The following CIP2A variants were observed in gnomAD, a reference collection of about 807,000 sequenced individuals.
CIP2A encodes the protein cellular inhibitor of PP2A, also known as protein CIP2A.
CIP2A carries 103 observed loss-of-function variants against 110.9 expected under a neutral mutation model. That is an observed-to-expected ratio of 0.93 (90% CI 0.79 to 1.09). The LOEUF is 1.09. Ranked by LOEUF, CIP2A falls within the 50% of genes least tolerant of loss-of-function variation. The pLI is 0.00. For synonymous variants in CIP2A, 381 were observed against 361.6 expected, an observed-to-expected ratio of 1.05 and a Z score of -0.61; for missense variants, 1,088 against 1,038.4, an observed-to-expected ratio of 1.05 and a Z score of -0.66.
chr3:108,552,501 C>T (rs1488529236), intron 19 of CIP2A, 128 bp from the exon 20 acceptor site: 1 of 503,208 alleles, frequency 2.0e-6, no homozygotes, highest in Non-Finnish European at 3.3e-6. Context: ...TCTCTTATGA[C>T]AGTATTCTAT....
At chr3:108,588,635 A>C (rs916098004) in intron 1 of CIP2A, among the ~76,000 whole-genome samples, 1 of 152,224 alleles carries the variant, frequency 6.6e-6, no homozygotes, top group Non-Finnish European at 1.5e-5. Context: ...CGTAAATGCA[A>C]AACAAATGAA....
At chr3:108,583,679 T>C (rs1938959450) in intron 2 of CIP2A, among the ~76,000 whole-genome samples, 1 of 152,086 alleles carries the variant, frequency 6.6e-6, no homozygotes, top group Non-Finnish European at 1.5e-5. Flanking sequence ...AAACACACAA[T>C]CAGATGGAAT....
Position 108,569,603 on chromosome 3 carries a change from A to G in CIP2A, c.899T>C (p.Leu300Ser). Residue 300 changes from leucine to serine, a missense_variant, in exon 9 of 21, where the codon TTA (leucine) becomes TCA (serine). Transcript: ENST00000295746. ...GKDPDSSSKV[L>S]ELLLAFCSVT... is the part of the protein sequence containing the mutation. ...TGAACAGAAGGCAAGAAGTAATTCT[A>G]AAACCTGTGCAATATAAAGTGTTCA... 6.2e-7 allele frequency: 1 copy of G among 1,610,366 alleles called. No homozygotes were observed. The highest frequency in any genetic ancestry group is 1.1e-5 in the South Asian group (1 of 90,892).
In CIP2A at chr3:108,569,472, G is replaced by A; in HGVS notation, c.1030C>T (p.Leu344=). The change falls in exon 9 of 21, where the codon CTA becomes TTA. Residue 344 remains leucine, a synonymous_variant. Coordinates refer to ENST00000295746, the MANE Select transcript of CIP2A (RefSeq NM_020890.3). ...AAAGGTTGGCTTAACCAGCGCAGTA[G>A]AGCCACAGTAGGTTCTAAACATTTA... ...HTKCLEPTVA[L]LRWLSQPLDG... 1.2e-6 allele frequency: 2 copies of A among 1,612,732 alleles called. No individual in the cohort carries two copies. The highest frequency in any genetic ancestry group is 1.1e-5 in the South Asian group (1 of 91,048).
intron 1 of CIP2A, among the ~76,000 whole-genome samples, chr3:108,588,395 AG>A (rs1939159035): frequency 6.6e-6 from 1 of 152,072 alleles, no homozygotes; most frequent in South Asian, 2.1e-4. Context: ...ATACAACAGC[AG>A]CTTCACTAAC....
At chr3:108,586,259 A>G (rs1939036377) in intron 1 of CIP2A, among the ~76,000 whole-genome samples, 1 of 152,192 alleles carries the variant, frequency 6.6e-6, no homozygotes, top group African/African-American at 2.4e-5. Flanking sequence ...TAACATTACT[A>G]AAGTAAAAGT....
chr3:108,585,319 C>T, intron 1 of CIP2A, 107 bp from the exon 2 acceptor site: 1 of 1,026,276 alleles, frequency 9.7e-7, no homozygotes, highest in Non-Finnish European at 1.4e-6. Flanking sequence ...GCTACCTTCC[C>T]AATTTAAAAA....
chr3:108,553,126 T>G (rs1338748895), intron 19 of CIP2A, among the ~76,000 whole-genome samples: 11 of 129,216 alleles, frequency 8.5e-5, no homozygotes, highest in African/African-American at 3.7e-4. Flanking sequence ...CTTTTGTTTT[T>G]TTTTTTTTTT....
At chr3:108,555,522 C>T (rs1385478116) in intron 17 of CIP2A, among the ~76,000 whole-genome samples, 1 of 152,170 alleles carries the variant, frequency 6.6e-6, no homozygotes, top group East Asian at 1.9e-4. Flanking sequence ...CCCGGACCCT[C>T]ATTGAGGAAG....
In CIP2A at chr3:108,568,466, A is replaced by G. The variant is rs1052763863; in HGVS notation, c.1114-152T>C. On this transcript the variant is annotated intron_variant, in intron 9 of 20. Transcript: ENST00000295746. The stretch of plus-strand genomic sequence containing the variant: ...GTCTCCTGTGAATATTTAAATTTTT[A>G]TTTAAAATTTATACTTCTAACCAGT... 4 of 535,274 alleles carry G rather than the reference A, an allele frequency of 7.5e-6. No individual in the cohort carries two copies. In the Admixed American group the frequency reaches 1.2e-4, roughly 16 times the overall value. The allele number at this position is 535,274 out of a possible 1,614,324, so 33.2% of individuals were successfully genotyped here.
At chr3:108,570,218 T>TA (rs879906364) in intron 8 of CIP2A, among the ~76,000 whole-genome samples, 3 of 147,938 alleles carry the variant, frequency 2.0e-5, no homozygotes, top group African/African-American at 7.4e-5. Context: ...AACTTATCAC[T>TA]AAAAAAAAAA....
intron 8 of CIP2A, among the ~76,000 whole-genome samples, chr3:108,573,119 C>A (rs1938453675): frequency 3.3e-5 from 5 of 152,072 alleles, no homozygotes; most frequent in Admixed American, 3.3e-4. Flanking sequence ...GTTAAACCAT[C>A]TTTGCATTCC....
At chr3:108,553,496 G>A in intron 19 of CIP2A, 152 bp downstream of exon 19, 2 of 675,372 alleles carry the variant, frequency 3.0e-6, no homozygotes, top group Non-Finnish European at 4.7e-6. Flanking sequence ...AACTGCTTTT[G>A]TGAAACATTA....
chr3:108,580,204 G>A (rs1938816736), intron 5 of CIP2A, among the ~76,000 whole-genome samples: 2 of 152,252 alleles, frequency 1.3e-5, no homozygotes, highest in African/African-American at 4.8e-5. Context: ...ACACACCGTG[G>A]AGCAGCAATT....
intron 15 of CIP2A, 22 bp downstream of exon 15, chr3:108,559,932 G>A: frequency 1.3e-6 from 2 of 1,571,054 alleles, no homozygotes; most frequent in Non-Finnish European, 1.7e-6. Context: ...ATTACACATT[G>A]TTAAAATAAG....
At chr3:108,556,057 T>C (rs1352602436) in intron 17 of CIP2A, among the ~76,000 whole-genome samples, 1 of 152,196 alleles carries the variant, frequency 6.6e-6, no homozygotes, top group Non-Finnish European at 1.5e-5. Context: ...TCTTCACTGC[T>C]GACGTTCTCA....
At position 108,569,479 on chromosome 3, in the gene CIP2A, A is replaced by G. The variant is rs61753636; in HGVS notation, c.1023T>C (p.Thr341=). Residue 341 remains threonine (T), a synonymous_variant, in exon 9 of 21, where the codon ACT becomes ACC. Transcript: ENST00000295746. ...GGCTTAACCAGCGCAGTAGAGCCAC[A>G]GTAGGTTCTAAACATTTAGTATGGC... ...LGSHTKCLEP[T]VALLRWLSQP... is the part of the protein sequence containing the mutation. 11,939 of 1,612,750 alleles carry G rather than the reference A, an allele frequency of 7.4e-3. 703 individuals carry two copies. The African/African-American group carries it at 0.13, about 18-fold the overall frequency.
chr3:108,565,606 T>G (rs1243960121), intron 11 of CIP2A, 152 bp from the exon 12 acceptor site: 1 of 528,902 alleles, frequency 1.9e-6, no homozygotes, highest in African/African-American at 2.0e-5. Flanking sequence ...AGTAAAAATC[T>G]CAATCAACAT....
chr3:108,577,638 CCTGT>C (rs763993634), intron 7 of CIP2A, among the ~76,000 whole-genome samples: 34 of 152,280 alleles, frequency 2.2e-4, no homozygotes, highest in South Asian at 6.2e-4. Flanking sequence ...GCAGCTCATG[CCTGT>C]AATCCCAGCA....
Sources: allele counts gnomAD v4.1 joint callset (sites outside exome capture counted in the v4.1 genomes callset), GRCh38; gene constraint gnomAD v4.1.1; transcripts MANE v1.5; gene names NCBI Gene and HGNC (gene_info 2026-07-23, HGNC 2026-07-21).